The following YEATS2 variants were observed in gnomAD, a reference collection of about 807,000 sequenced individuals.
YEATS2 encodes YEATS domain-containing protein 2.
In YEATS2, 77 loss-of-function variants were observed where a neutral mutation model predicts 163.2. That is an observed-to-expected ratio of 0.47 (90% confidence interval 0.39 to 0.57). The LOEUF is 0.57. Among genes scored for constraint, YEATS2 ranks in the 20% least tolerant of loss-of-function variants. The pLI is 0.00. For synonymous variants in YEATS2, 631 were observed against 645.1 expected (o/e 0.98, Z 0.33); for missense variants, 1,549 against 1,729.8 (o/e 0.90, Z 1.85).
At chr3:183,790,385 G>A (rs1423394989) in intron 20 of YEATS2, among the ~76,000 whole-genome samples, 1 of 151,722 alleles carries the variant, frequency 6.6e-6, no homozygotes, top group African/African-American at 2.4e-5. Flanking sequence ...TTTGTTCAAT[G>A]AAGTGACAGA....
Position 183,717,651 on chromosome 3 carries a change from C to A in YEATS2, c.101C>A (p.Ala34Asp). 6.4e-7 allele frequency: 1 copy of A among 1,561,222 alleles called. No individual in the cohort carries two copies. Among genetic ancestry groups the A allele is most frequent in the African/African-American group, 1.4e-5 (1 of 71,528 alleles). Residue 34 changes from alanine (A) to aspartate (D), a missense_variant and splice_region_variant, in exon 3 of 31, where the codon GCT becomes GAT. Ala to Asp is a moderately radical substitution (Grantham distance 126). Coordinates refer to ENST00000305135, the MANE Select transcript of YEATS2 (RefSeq NM_018023.5). ...GATGTATTTTATGTTCTTTGTACAG[C>A]TCGAGATGCTGCTGTGCAGAAGATT... ...NKRHKAIENS[A>D]RDAAVQKIET...
Position 183,736,761 on chromosome 3 carries a change from C to G in YEATS2, c.856C>G (p.Pro286Ala). 1 of 1,613,938 alleles carries G rather than the reference C, an allele frequency of 6.2e-7. No individual in the cohort carries two copies. Among genetic ancestry groups the G allele is most frequent in the South Asian group, 1.1e-5 (1 of 91,062 alleles). ...GACCAGAAGAGGCTGGGGTGAGTTT[C>G]CCGTCAGAGTTCAAGTTCATTTTAA... ...HLTRRGWGEF[P>A]VRVQVHFKDS... The change falls in exon 8 of 31, where the codon CCC (proline) becomes GCC (alanine). Residue 286 changes from proline (P) to alanine (A), a missense_variant. By Grantham distance (27) the Pro-to-Ala change is conservative. Coordinates refer to ENST00000305135, the MANE Select transcript of YEATS2 (RefSeq NM_018023.5).
chr3:183,704,590 T>A (rs765230387), intron 1 of YEATS2, among the ~76,000 whole-genome samples: 7 of 152,144 alleles, frequency 4.6e-5, no homozygotes, highest in Non-Finnish European at 8.8e-5. Context: ...TTGCAGTAAT[T>A]TGAGACTTTC....
At chr3:183,802,617 C>G (rs1393396043) in intron 25 of YEATS2, 1 of 150,176 alleles carries the variant, frequency 6.7e-6, no homozygotes, top group African/African-American at 2.5e-5. Flanking sequence ...ACCATCTTCC[C>G]AGCTTTCTCA....
intron 15 of YEATS2, among the ~76,000 whole-genome samples, chr3:183,766,169 A>G (rs1721884206): frequency 6.6e-6 from 1 of 152,186 alleles, no homozygotes; most frequent in East Asian, 1.9e-4. Flanking sequence ...TTGCAGTTAG[A>G]GCTTGTTGCA....
At chr3:183,805,293 G>T (rs1726074658) in intron 27 of YEATS2, among the ~76,000 whole-genome samples, 1 of 151,810 alleles carries the variant, frequency 6.6e-6, no homozygotes, top group Non-Finnish European at 1.5e-5. Flanking sequence ...CAGCTACTTG[G>T]GTGACTAAGG....
chr3:183,777,286 G>A (rs1161424910), intron 18 of YEATS2, among the ~76,000 whole-genome samples: 1 of 152,174 alleles, frequency 6.6e-6, no homozygotes, highest in Admixed American at 6.5e-5. Context: ...CAGTTTTGAG[G>A]ACTAAGTTGC....
chr3:183,774,490 T>C (rs767902255), intron 17 of YEATS2, among the ~76,000 whole-genome samples: 1 of 152,096 alleles, frequency 6.6e-6, no homozygotes, highest in Non-Finnish European at 1.5e-5. Context: ...GCCACAAAGC[T>C]TGGGGACAGC....
chr3:183,729,816 T>G (rs1180660768), intron 7 of YEATS2, among the ~76,000 whole-genome samples: 2 of 151,670 alleles, frequency 1.3e-5, no homozygotes, highest in African/African-American at 4.8e-5. Context: ...GCCTCCCAAG[T>G]AGCTGGGATT....
chr3:183,729,993 T>C (rs1717554309), intron 7 of YEATS2, among the ~76,000 whole-genome samples: 2 of 147,978 alleles, frequency 1.4e-5, no homozygotes, highest in South Asian at 4.3e-4. Flanking sequence ...CCCGGCCTTA[T>C]TCTTTACATC....
chr3:183,725,984 GAAT>G (rs1717052405), intron 6 of YEATS2, among the ~76,000 whole-genome samples: 1 of 152,116 alleles, frequency 6.6e-6, no homozygotes, highest in African/African-American at 2.4e-5. Context: ...TGGGACATGA[GAAT>G]AAAGTAGATA....
intron 19 of YEATS2, among the ~76,000 whole-genome samples, chr3:183,782,044 T>C (rs1186491913): frequency 2.6e-5 from 4 of 152,230 alleles, no homozygotes; most frequent in Non-Finnish European, 5.9e-5. Context: ...TTCAACGTAA[T>C]GTTTCCAAGA....
chr3:183,770,595 A>AT (rs1436537354), intron 15 of YEATS2, among the ~76,000 whole-genome samples: 3 of 152,180 alleles, frequency 2.0e-5, no homozygotes, highest in Non-Finnish European at 2.9e-5. Context: ...CAAATAAAAC[A>AT]TTTCTGATAA....
chr3:183,772,780 C>CACACAT (rs1425317399), intron 16 of YEATS2, among the ~76,000 whole-genome samples: 3 of 150,028 alleles, frequency 2.0e-5, no homozygotes, highest in Non-Finnish European at 1.5e-5. Flanking sequence ...CACACACACC[C>CACACAT]ACATACACAC....
chr3:183,744,890 AC>A (rs1385914756), intron 8 of YEATS2, among the ~76,000 whole-genome samples: 1 of 151,722 alleles, frequency 6.6e-6, no homozygotes, highest in Non-Finnish European at 1.5e-5. Context: ...TCACTCTGTC[AC>A]CCAGGCTGGA....
chr3:183,767,228 T>C (rs1577146251), intron 15 of YEATS2, among the ~76,000 whole-genome samples: 1 of 151,964 alleles, frequency 6.6e-6, no homozygotes, highest in South Asian at 2.1e-4. Flanking sequence ...GGATACCAGG[T>C]TTTTGTTTCT....
intron 1 of YEATS2, among the ~76,000 whole-genome samples, chr3:183,708,306 C>G (rs1434278740): frequency 1.3e-5 from 2 of 151,736 alleles, no homozygotes; most frequent in African/African-American, 4.8e-5. Context: ...GGACTACAGG[C>G]ACTCGCCACC....
chr3:183,715,315 G>C (rs545539462), intron 2 of YEATS2, 53 bp downstream of exon 2: 12 of 1,323,816 alleles, frequency 9.1e-6, no homozygotes, highest in Admixed American at 7.2e-5. Context: ...GCCTCCGCTA[G>C]AAAACTTACA....
At chr3:183,786,064 G>A in intron 19 of YEATS2, 61 bp from the exon 20 acceptor site, 1 of 1,552,080 alleles carries the variant, frequency 6.4e-7, no homozygotes, top group Non-Finnish European at 8.8e-7. Context: ...TGTCAGTAAG[G>A]AATGAGTTAT....
Sources: allele counts gnomAD v4.1 joint callset (sites outside exome capture counted in the v4.1 genomes callset), GRCh38; gene constraint gnomAD v4.1.1; transcripts MANE v1.5; gene names NCBI Gene and HGNC (gene_info 2026-07-23, HGNC 2026-07-21).